Variants in VEZT observed in about 807,000 individuals in gnomAD.
VEZT encodes vezatin.
VEZT carries 39 observed loss-of-function variants against 79.9 expected under a neutral mutation model. The ratio of observed to expected loss-of-function variants is 0.49; its 90% CI spans 0.38 to 0.64. The LOEUF (loss-of-function observed/expected upper bound fraction) is 0.64. Ranked by LOEUF, VEZT falls within the 30% of genes least tolerant of loss-of-function variation. The pLI, the probability that VEZT is intolerant of heterozygous loss-of-function variation, is 0.00. For missense variants in VEZT, 837 were observed against 893.1 expected, an observed-to-expected ratio of 0.94 and a Z score of 0.80; for synonymous variants, 325 against 327.6, an observed-to-expected ratio of 0.99 and a Z score of 0.09.
intron 2 of VEZT, among the ~76,000 whole-genome samples, chr12:95,254,750 AG>A (rs1350350639): frequency 2.0e-5 from 3 of 152,208 alleles, no homozygotes; most frequent in Non-Finnish European, 4.4e-5. Context: ...ATTCTGTTCA[AG>A]GAATGAAGTA....
chr12:95,284,837 A>G (rs1041209166), intron 8 of VEZT, among the ~76,000 whole-genome samples: 2 of 152,108 alleles, frequency 1.3e-5, no homozygotes, highest in Non-Finnish European at 2.9e-5. Flanking sequence ...TAGCATGTAC[A>G]CAATATTCCA....
At chr12:95,228,210 A>G (rs2058762128) in intron 1 of VEZT, among the ~76,000 whole-genome samples, 1 of 152,242 alleles carries the variant, frequency 6.6e-6, no homozygotes, top group Non-Finnish European at 1.5e-5. Context: ...AAATGAAAGG[A>G]AATGACTCTC....
chr12:95,242,596 GGGCGTGGT>G (rs2061172586), intron 1 of VEZT, among the ~76,000 whole-genome samples: 2 of 152,092 alleles, frequency 1.3e-5, no homozygotes, highest in South Asian at 4.1e-4. Context: ...AAAATGGGCC[GGGCGTGGT>G]GGCTCACGCC....
intron 1 of VEZT, among the ~76,000 whole-genome samples, chr12:95,219,308 A>G (rs536886845): frequency 1.3e-5 from 2 of 152,264 alleles, no homozygotes; most frequent in East Asian, 3.9e-4. Flanking sequence ...CCCAAGTTAA[A>G]ATCATCCATT....
intron 4 of VEZT, 116 bp from the exon 5 acceptor site, chr12:95,266,241 C>A: frequency 8.6e-7 from 1 of 1,164,792 alleles, no homozygotes; most frequent in Non-Finnish European, 1.2e-6. Context: ...TACAAAGAAG[C>A]TAGCATTTTA....
At chr12:95,272,305 G>A (rs2066781916) in intron 6 of VEZT, among the ~76,000 whole-genome samples, 1 of 152,192 alleles carries the variant, frequency 6.6e-6, no homozygotes, top group Non-Finnish European at 1.5e-5. Flanking sequence ...GTAAGAGAAG[G>A]CCTCTCTGAG....
At chr12:95,272,014 T>A (rs78404597) in intron 6 of VEZT, among the ~76,000 whole-genome samples, 1 of 151,916 alleles carries the variant, frequency 6.6e-6, no homozygotes, top group African/African-American at 2.4e-5. Context: ...AAAAAAAAAT[T>A]CTTTTAAATT....
intron 1 of VEZT, among the ~76,000 whole-genome samples, chr12:95,233,069 G>T (rs937040970): frequency 2.0e-5 from 3 of 152,170 alleles, no homozygotes; most frequent in Non-Finnish European, 4.4e-5. Context: ...ACCTCCCAAA[G>T]TGCTGGGATT....
At chr12:95,220,260 G>A (rs1252743000) in intron 1 of VEZT, among the ~76,000 whole-genome samples, 3 of 152,116 alleles carry the variant, frequency 2.0e-5, no homozygotes, top group Non-Finnish European at 4.4e-5. Flanking sequence ...TTTGAGATTA[G>A]CCTGGACAAC....
chr12:95,292,193 T>C (rs1206479549), intron 9 of VEZT, among the ~76,000 whole-genome samples: 1 of 152,190 alleles, frequency 6.6e-6, no homozygotes, highest in Non-Finnish European at 1.5e-5. Context: ...TTTAACATCA[T>C]TGGTAGCTTA....
chr12:95,274,372 A>G (rs146537289), intron 6 of VEZT, among the ~76,000 whole-genome samples: 55 of 152,292 alleles, frequency 3.6e-4, no homozygotes, highest in African/African-American at 2.9e-4. Context: ...AGGCTGAGAC[A>G]TGAGAATTGC....
chr12:95,301,331 C>A lies in VEZT; in HGVS notation c.*658C>A, dbSNP rs1324888213. The A allele has an allele frequency of 6.6e-6, 1 of 152,156 alleles. No individual in the cohort carries two copies. The highest frequency in any genetic ancestry group is 1.5e-5 in the Non-Finnish European group (1 of 68,030). The allele number at this position is 152,156 out of a possible 1,614,324, so 9.4% of individuals were successfully genotyped here. A position where few individuals can be genotyped will look rare whatever the true frequency, so the allele number is the denominator to read the frequency against. On this transcript the variant is annotated 3_prime_UTR_variant, in exon 12 of 12. Transcript: ENST00000436874. ...TATTGTACCATTTTTTAGAATTACA[C>A]TTTCACCTTTCTTTTTGCAATTGAA...
At chr12:95,278,034 G>T (rs1013846152) in intron 7 of VEZT, among the ~76,000 whole-genome samples, 2 of 152,232 alleles carry the variant, frequency 1.3e-5, no homozygotes, top group African/African-American at 4.8e-5. Flanking sequence ...TGTGGAGTCA[G>T]ATTTTCCAGG....
At chr12:95,269,962 C>A in intron 5 of VEZT, 89 bp from the exon 6 acceptor site, 2 of 1,444,950 alleles carry the variant, frequency 1.4e-6, no homozygotes, top group Non-Finnish European at 9.4e-7. Flanking sequence ...TTGTTTTCTA[C>A]ATTTAATAGA....
chr12:95,295,465 C>T (rs2073932373), intron 10 of VEZT, among the ~76,000 whole-genome samples: 1 of 152,074 alleles, frequency 6.6e-6, no homozygotes, highest in African/African-American at 2.4e-5. Context: ...CGGCTGGTGC[C>T]TGCTTCTTTT....
chr12:95,274,712 G>A, intron 6 of VEZT, 30 bp from the exon 7 acceptor site: 1 of 1,592,412 alleles, frequency 6.3e-7, no homozygotes, highest in Non-Finnish European at 8.5e-7. Flanking sequence ...TCATGAAAAG[G>A]CTTTGTTGAT....
chr12:95,244,200 C>CTGGGCAACATAG (rs1381493178), intron 1 of VEZT, among the ~76,000 whole-genome samples: 33 of 152,034 alleles, frequency 2.2e-4, no homozygotes, highest in African/African-American at 8.0e-4. Context: ...GGAGACCAGC[C>CTGGGCAACATAG]TGGGCAACAT....
rs1238610588 is a variant in VEZT, at chr12:95,302,612, TTC to T, written c.*1944_*1945del. The T allele has an allele frequency of 1.3e-5, 2 of 152,188 alleles. No homozygotes were observed. Among genetic ancestry groups the T allele is most frequent in the Non-Finnish European group, 2.9e-5 (2 of 68,026 alleles). The allele number at this position is 152,188 out of a possible 1,614,324, so 9.4% of individuals were successfully genotyped here. ...CTCTGCAAAAATTCCTGGAGTAATT[TTC>T]TCTCATAATATTTGAAGTCAGTGGT... On this transcript the variant is annotated 3_prime_UTR_variant, in exon 12 of 12. Coordinates refer to ENST00000436874, the MANE Select transcript of VEZT (RefSeq NM_017599.4).
chr12:95,239,920 C>G (rs2060664205), intron 1 of VEZT, among the ~76,000 whole-genome samples: 1 of 147,614 alleles, frequency 6.8e-6, no homozygotes, highest in South Asian at 2.1e-4. Context: ...CCACTGCCCT[C>G]CAGCCTGAGC....
Sources: allele counts gnomAD v4.1 joint callset (sites outside exome capture counted in the v4.1 genomes callset), GRCh38; gene constraint gnomAD v4.1.1; transcripts MANE v1.5; gene names NCBI Gene and HGNC (gene_info 2026-07-23, HGNC 2026-07-21).